The following TNIK variants were observed in gnomAD, a reference collection of about 807,000 sequenced individuals.
TNIK encodes the protein TRAF2 and NCK interacting kinase.
Under a neutral mutation model 191.3 loss-of-function variants are expected in TNIK, and 49 were observed. The ratio of observed to expected loss-of-function variants is 0.26; its 90% CI spans 0.20 to 0.32. The LOEUF is 0.32. Ranked by LOEUF, TNIK falls within the 10% of genes least tolerant of loss-of-function variation. TNIK has a pLI of 1.00. For missense variants in TNIK, 1,155 were observed against 1,702.3 expected, an observed-to-expected ratio of 0.68 and a Z score of 5.66; for synonymous variants, 594 against 600.9, an observed-to-expected ratio of 0.99 and a Z score of 0.17.
At chr3:171,101,138 A>G (rs16855823) in intron 22 of TNIK, among the ~76,000 whole-genome samples, 5,212 of 152,192 alleles carry the variant, frequency 0.034, 315 homozygotes, top group African/African-American at 0.12. Flanking sequence ...GCACGTATCA[A>G]TGGTCTGGTT....
chr3:171,364,540 A>G (rs1715427892), intron 2 of TNIK, among the ~76,000 whole-genome samples: 1 of 152,200 alleles, frequency 6.6e-6, no homozygotes, highest in South Asian at 2.1e-4. Context: ...AAGTGTCAAC[A>G]TTTACTGTGT....
chr3:171,211,278 T>C, intron 3 of TNIK, 37 bp from the exon 4 acceptor site: 1 of 1,571,026 alleles, frequency 6.4e-7, no homozygotes, highest in Non-Finnish European at 8.6e-7. Context: ...GTCATGAAAA[T>C]CTATGGTTGT....
At chr3:171,176,896 A>C (rs1736026988) in intron 8 of TNIK, among the ~76,000 whole-genome samples, 1 of 152,252 alleles carries the variant, frequency 6.6e-6, no homozygotes, top group African/African-American at 2.4e-5. Flanking sequence ...CTAAAATTTT[A>C]AACATCAGTA....
At chr3:171,221,188 C>T (rs926201431) in intron 3 of TNIK, among the ~76,000 whole-genome samples, 3 of 152,204 alleles carry the variant, frequency 2.0e-5, no homozygotes, top group African/African-American at 4.8e-5. Flanking sequence ...TATCTTTTCT[C>T]TGTTGAAAGT....
chr3:171,261,423 A>C (rs1747596471), intron 2 of TNIK, among the ~76,000 whole-genome samples: 1 of 152,084 alleles, frequency 6.6e-6, no homozygotes, highest in African/African-American at 2.4e-5. Context: ...CCACTTACTT[A>C]TTTGCATGCC....
intron 1 of TNIK, among the ~76,000 whole-genome samples, chr3:171,371,537 A>G (rs1341553994): frequency 2.6e-5 from 4 of 152,182 alleles, no homozygotes; most frequent in African/African-American, 9.7e-5. Context: ...AGAAGTCCAG[A>G]AGTTCCAGTT....
At chr3:171,357,339 T>C (rs1437137219) in intron 2 of TNIK, among the ~76,000 whole-genome samples, 1 of 150,052 alleles carries the variant, frequency 6.7e-6, no homozygotes, top group Non-Finnish European at 1.5e-5. Flanking sequence ...CAGGCTGGAG[T>C]GTGCAGTGGC....
chr3:171,181,124 G>A (rs763967533), intron 7 of TNIK, among the ~76,000 whole-genome samples: 3 of 152,212 alleles, frequency 2.0e-5, no homozygotes, highest in Non-Finnish European at 2.9e-5. Flanking sequence ...TTATGGGCAT[G>A]AGCCACTACA....
chr3:171,434,935 A>T (rs1725851729), intron 1 of TNIK, among the ~76,000 whole-genome samples: 1 of 152,232 alleles, frequency 6.6e-6, no homozygotes, highest in Admixed American at 6.5e-5. Flanking sequence ...AGTAAAAAAA[A>T]ACACACAACT....
chr3:171,364,682 A>G (rs1241150034), intron 2 of TNIK, among the ~76,000 whole-genome samples: 2 of 152,210 alleles, frequency 1.3e-5, no homozygotes, highest in African/African-American at 4.8e-5. Context: ...GCAATACCAT[A>G]AAAACAATAA....
At chr3:171,452,503 C>T (rs1372637045) in intron 1 of TNIK, among the ~76,000 whole-genome samples, 3 of 152,024 alleles carry the variant, frequency 2.0e-5, no homozygotes, top group Non-Finnish European at 4.4e-5. Context: ...TCAGAGCCAG[C>T]TTTATGACGC....
chr3:171,066,029 T>C (rs1207085694), intron 32 of TNIK, among the ~76,000 whole-genome samples, 158 bp downstream of exon 32: 1 of 152,176 alleles, frequency 6.6e-6, no homozygotes, highest in Non-Finnish European at 1.5e-5. Context: ...ATATATTGAG[T>C]GCTCACATGG....
intron 30 of TNIK, among the ~76,000 whole-genome samples, chr3:171,067,487 G>A (rs986022433): frequency 4.6e-5 from 7 of 151,938 alleles, no homozygotes; most frequent in Admixed American, 2.6e-4. Context: ...TGGCTAACAC[G>A]ATGAAACCCC....
intron 2 of TNIK, among the ~76,000 whole-genome samples, chr3:171,325,275 T>C (rs1055743788): frequency 6.6e-6 from 1 of 152,072 alleles, no homozygotes; most frequent in Admixed American, 6.5e-5. Flanking sequence ...AAAGTAATGA[T>C]GGTTTTATAA....
intron 7 of TNIK, among the ~76,000 whole-genome samples, chr3:171,179,383 T>C (rs1209970787): frequency 6.6e-6 from 1 of 152,250 alleles, no homozygotes. Context: ...TCAACCCATC[T>C]ATTACAAGTT....
At chr3:171,273,101 C>G (rs544384126) in intron 2 of TNIK, among the ~76,000 whole-genome samples, 1 of 152,314 alleles carries the variant, frequency 6.6e-6, no homozygotes, top group Admixed American at 6.5e-5. Context: ...AGCACCAGAG[C>G]AAGCTGAAAG....
At chr3:171,334,996 A>G (rs1560443469) in intron 2 of TNIK, among the ~76,000 whole-genome samples, 1 of 151,082 alleles carries the variant, frequency 6.6e-6, no homozygotes, top group Non-Finnish European at 1.5e-5. Flanking sequence ...AGAGATACAA[A>G]TAAACAATGC....
At chr3:171,156,068 C>T (rs772897667) in intron 12 of TNIK, among the ~76,000 whole-genome samples, 2 of 152,158 alleles carry the variant, frequency 1.3e-5, no homozygotes, top group African/African-American at 2.4e-5. Flanking sequence ...CCCTGAACCT[C>T]AGTTTCTTCT....
intron 2 of TNIK, among the ~76,000 whole-genome samples, chr3:171,309,912 G>A (rs1753840178): frequency 6.6e-6 from 1 of 151,898 alleles, no homozygotes; most frequent in African/African-American, 2.4e-5. Context: ...GTCCTCTTGG[G>A]GAGAAAAACT....
Sources: gnomAD v4.1 joint callset for allele counts (sites outside exome capture counted in the v4.1 genomes callset) on GRCh38, gnomAD v4.1.1 for gene constraint, MANE v1.5 for transcripts, NCBI Gene and HGNC (gene_info 2026-07-23, HGNC 2026-07-21) for gene names.